Variants in LNPK observed in about 807,000 individuals in gnomAD.
LNPK encodes endoplasmic reticulum junction formation protein lunapark.
In LNPK, 29 loss-of-function variants were observed where a neutral mutation model predicts 55.2. That is an observed-to-expected ratio of 0.53 (90% CI 0.39 to 0.72). LNPK has a LOEUF of 0.72. Ranked by LOEUF, LNPK falls within the 30% of genes least tolerant of loss-of-function variation. The probability of loss-of-function intolerance (pLI) is 0.00; values close to 1 mark genes in which losing one functional copy is unlikely to be tolerated. For synonymous variants in LNPK, 162 were observed against 168.2 expected, an observed-to-expected ratio of 0.96 and a Z score of 0.29; for missense variants, 467 against 494.8, an observed-to-expected ratio of 0.94 and a Z score of 0.53.
chr2:175,951,607 A>ATATATATATATATCTATC (rs972901665), intron 8 of LNPK, among the ~76,000 whole-genome samples: 1 of 121,720 alleles, frequency 8.2e-6, no homozygotes, highest in Admixed American at 8.2e-5. Context: ...ATATATATAT[A>ATATATATATATATCTATC]TATCTCAGTT....
At chr2:176,000,420 A>C (rs1688117797) in intron 1 of LNPK, among the ~76,000 whole-genome samples, 1 of 152,238 alleles carries the variant, frequency 6.6e-6, no homozygotes, top group South Asian at 2.1e-4. Flanking sequence ...TAACTGCTTA[A>C]TTGTAGCCAT....
At chr2:175,977,663 T>C (rs569050181) in intron 5 of LNPK, among the ~76,000 whole-genome samples, 8 of 152,142 alleles carry the variant, frequency 5.3e-5, no homozygotes, top group African/African-American at 1.9e-4. Flanking sequence ...ATGAGTGACC[T>C]TGAAATGAGC....
intron 5 of LNPK, among the ~76,000 whole-genome samples, chr2:175,973,054 A>G (rs943032134): frequency 6.6e-6 from 1 of 152,198 alleles, no homozygotes; most frequent in Non-Finnish European, 1.5e-5. Context: ...CACTTTTAAA[A>G]AAAATTACTT....
chr2:175,999,732 T>A (rs1688092180), intron 1 of LNPK, among the ~76,000 whole-genome samples: 1 of 152,148 alleles, frequency 6.6e-6, no homozygotes, highest in African/African-American at 2.4e-5. Context: ...ACAGGACCTG[T>A]CATGACCTTA....
intron 4 of LNPK, among the ~76,000 whole-genome samples, chr2:175,986,921 T>A (rs1330711423): frequency 6.6e-6 from 1 of 151,256 alleles, no homozygotes; most frequent in Admixed American, 6.6e-5. Flanking sequence ...CCTGAAGGTA[T>A]TAGCTAACAT....
At chr2:175,951,265 C>T (rs139155813) in intron 8 of LNPK, among the ~76,000 whole-genome samples, 155 of 151,910 alleles carry the variant, frequency 1.0e-3, no homozygotes, top group African/African-American at 3.3e-3. Flanking sequence ...AGGTGGTGTT[C>T]GGTTACATGA....
chr2:175,950,149 A>G (rs955458505), intron 8 of LNPK, among the ~76,000 whole-genome samples: 2 of 152,098 alleles, frequency 1.3e-5, no homozygotes, highest in Admixed American at 6.6e-5. Flanking sequence ...ACCCTCATCA[A>G]TGATCAATGA....
At chr2:175,981,501 G>A (rs1687171567) in intron 4 of LNPK, among the ~76,000 whole-genome samples, 1 of 152,046 alleles carries the variant, frequency 6.6e-6, no homozygotes. Flanking sequence ...TTTTGGTGGT[G>A]GCAAGACAAT....
chr2:175,998,471 A>C (rs1180228533), intron 1 of LNPK, among the ~76,000 whole-genome samples: 3 of 151,382 alleles, frequency 2.0e-5, no homozygotes, highest in Non-Finnish European at 4.4e-5. Context: ...GAAGAAAAGA[A>C]AAAAAAAGGC....
intron 8 of LNPK, among the ~76,000 whole-genome samples, chr2:175,956,315 T>C (rs142944233): frequency 1.0e-4 from 15 of 149,702 alleles, no homozygotes; most frequent in African/African-American, 3.4e-4. Context: ...TTTTAGGGCA[T>C]CCTCCAAAAA....
chr2:176,002,153 G>A lies in LNPK; in HGVS notation c.-63+7C>T, dbSNP rs1163285927. 1 of 443,702 alleles carries A rather than the reference G, an allele frequency of 2.3e-6. No homozygotes were observed. Among genetic ancestry groups the A allele is most frequent in the Non-Finnish European group, 4.5e-6 (1 of 221,984 alleles). 27.5% of individuals were successfully genotyped at this position (443,702 alleles called of 1,614,324 possible). ...CCTCCCAACTGCCCTCGCCTTGAGC[G>A]TTCTACCTGCAAGAAGCGGGCGCAG... On this transcript the variant is annotated splice_region_variant and intron_variant, in intron 1 of 12. Coordinates refer to ENST00000272748, the MANE Select transcript of LNPK (RefSeq NM_030650.3).
chr2:175,943,445 T>G (rs182275498), intron 9 of LNPK, among the ~76,000 whole-genome samples: 6 of 151,850 alleles, frequency 4.0e-5, no homozygotes, highest in African/African-American at 1.4e-4. Flanking sequence ...GACAAAGATA[T>G]GACAAGGAAA....
intron 1 of LNPK, among the ~76,000 whole-genome samples, chr2:176,001,578 G>A (rs1021822000): frequency 2.6e-5 from 4 of 152,016 alleles, no homozygotes; most frequent in African/African-American, 9.7e-5. Flanking sequence ...CTGAAATAAG[G>A]ACAATGGTTG....
At position 175,927,676 on chromosome 2, in the gene LNPK, G is replaced by A. The variant is rs970142968; in HGVS notation, c.*2291C>T. ...GAACAATTGTAAGCAAGGAAGCTAA[G>A]ATCACTGTAGCTAATGGTACTTAAT... On this transcript the variant is annotated 3_prime_UTR_variant, in exon 13 of 13. Transcript: ENST00000272748. 5 of 152,178 alleles carry A rather than the reference G, an allele frequency of 3.3e-5. No individual in the cohort carries two copies. Among genetic ancestry groups the A allele is most frequent in the African/African-American group, 1.2e-4 (5 of 41,432 alleles). 9.4% of individuals were successfully genotyped at this position (152,178 alleles called of 1,614,324 possible). A position where few individuals can be genotyped will look rare whatever the true frequency, so the allele number is the denominator to read the frequency against.
chr2:175,988,863 T>A (rs1687560820), intron 4 of LNPK, among the ~76,000 whole-genome samples: 1 of 152,152 alleles, frequency 6.6e-6, no homozygotes, highest in African/African-American at 2.4e-5. Context: ...AAGCTCTGCC[T>A]CCCGGGTTCA....
intron 5 of LNPK, among the ~76,000 whole-genome samples, chr2:175,976,627 T>C (rs1188969298): frequency 6.6e-6 from 1 of 152,146 alleles, no homozygotes; most frequent in Admixed American, 6.5e-5. Context: ...AACAAAAAGT[T>C]TGCTTCTCCC....
intron 6 of LNPK, chr2:175,967,545 G>A: frequency 1.7e-6 from 1 of 599,908 alleles, no homozygotes; most frequent in Non-Finnish European, 2.1e-6. Context: ...AAATATTCCA[G>A]ATGTAAGAAA....
chr2:175,972,838 T>C (rs553885664), intron 5 of LNPK, among the ~76,000 whole-genome samples: 6 of 152,338 alleles, frequency 3.9e-5, no homozygotes, highest in Admixed American at 1.3e-4. Flanking sequence ...TTTAGAGTAT[T>C]ATTACATTGG....
chr2:175,929,012 T>A lies in LNPK; in HGVS notation c.*955A>T, dbSNP rs2105503792. ...GTACCATAATTTGCTCTAAGCAGAA[T>A]CTACAGATTTATTGTATTGTGAGCT... On this transcript the variant is annotated 3_prime_UTR_variant, in exon 13 of 13. Coordinates refer to ENST00000272748, the MANE Select transcript of LNPK (RefSeq NM_030650.3). The A allele has an allele frequency of 7.1e-6, 4 of 565,406 alleles. 1 individual carries two copies. In the South Asian group the frequency reaches 3.1e-4, roughly 44 times the overall value. 35.0% of individuals were successfully genotyped at this position (565,406 alleles called of 1,614,324 possible).
Sources: gnomAD v4.1 joint callset for allele counts (sites outside exome capture counted in the v4.1 genomes callset) on GRCh38, gnomAD v4.1.1 for gene constraint, MANE v1.5 for transcripts, NCBI Gene and HGNC (gene_info 2026-07-23, HGNC 2026-07-21) for gene names.